The following TGFBR2 variants were observed in gnomAD, a reference collection of about 807,000 sequenced individuals.
The protein encoded by TGFBR2 is TGF-beta receptor type-2.
TGFBR2 carries 18 observed loss-of-function variants against 49.0 expected under a neutral mutation model. The ratio of observed to expected loss-of-function variants is 0.37; its 90% CI spans 0.25 to 0.54. TGFBR2 has a LOEUF of 0.54. Among genes scored for constraint, TGFBR2 ranks in the 20% least tolerant of loss-of-function variants. The probability of loss-of-function intolerance (pLI) is 0.85; values close to 1 mark genes in which losing one functional copy is unlikely to be tolerated. For missense variants in TGFBR2, 525 were observed against 722.6 expected (o/e 0.73, Z 3.13); for synonymous variants, 282 against 275.9 (o/e 1.02, Z -0.22).
intron 1 of TGFBR2, among the ~76,000 whole-genome samples, chr3:30,618,370 C>CTGCTTCAGCCTCCTGTGT (rs1698168072): frequency 6.6e-6 from 1 of 151,854 alleles, no homozygotes; most frequent in South Asian, 2.1e-4. Flanking sequence ...GCTGGGATTA[C>CTGCTTCAGCCTCCTGTGT]AGGTGTGCAC....
At position 30,677,870 on chromosome 3, in the gene TGFBR2, A is replaced by T. The variant is rs146183560; in HGVS notation, c.1396+3624A>T. Reference sequence around the variant, plus strand: ...CTTTTTAAAAAACTTACACATGCAGATATGTTTCTTATCTTACAAATTAAA... The same window carrying T: ...CTTTTTAAAAAACTTACACATGCAGTTATGTTTCTTATCTTACAAATTAAA... On this transcript the variant is annotated intron_variant, in intron 5 of 6. Coordinates refer to ENST00000295754, the MANE Select transcript of TGFBR2 (RefSeq NM_003242.6). Among the ~76,000 whole-genome samples, 182 of 152,262 alleles carry T rather than the reference A, an allele frequency of 1.2e-3. No individual in the cohort carries two copies. The Middle Eastern group carries it at 0.017, about 14-fold the overall frequency.
chr3:30,642,316 G>A (rs1403408305), intron 1 of TGFBR2, among the ~76,000 whole-genome samples: 1 of 152,046 alleles, frequency 6.6e-6, no homozygotes, highest in East Asian at 1.9e-4. Flanking sequence ...GGTGGGAGTG[G>A]GGGGGTTGCT....
chr3:30,670,035 A>G (rs1362245288), intron 3 of TGFBR2, among the ~76,000 whole-genome samples: 3 of 152,138 alleles, frequency 2.0e-5, no homozygotes, highest in African/African-American at 7.2e-5. Context: ...TGAATAATCA[A>G]AAGATCCTTT....
At chr3:30,633,255 G>A (rs1430048596) in intron 1 of TGFBR2, among the ~76,000 whole-genome samples, 1 of 152,116 alleles carries the variant, frequency 6.6e-6, no homozygotes, top group East Asian at 1.9e-4. Context: ...CATGGTGGTT[G>A]TGATAAGTAA....
intron 3 of TGFBR2, among the ~76,000 whole-genome samples, chr3:30,667,755 C>T (rs968930099): frequency 6.6e-6 from 1 of 152,104 alleles, no homozygotes; most frequent in Admixed American, 6.5e-5. Flanking sequence ...AACATTTCAT[C>T]TGGACGTTTT....
chr3:30,670,786 G>T (rs966925041), intron 3 of TGFBR2, among the ~76,000 whole-genome samples: 1 of 152,234 alleles, frequency 6.6e-6, no homozygotes, highest in African/African-American at 2.4e-5. Context: ...TTTTTAACTT[G>T]TTTTACCTTT....
intron 3 of TGFBR2, among the ~76,000 whole-genome samples, chr3:30,650,959 C>T (rs11466500): frequency 0.16 from 23,572 of 152,032 alleles, 2,097 homozygotes; most frequent in East Asian, 0.38. Context: ...TGTACATAGT[C>T]CCAGGATTTG....
intron 1 of TGFBR2, among the ~76,000 whole-genome samples, chr3:30,638,102 G>A (rs1048217600): frequency 1.1e-4 from 17 of 152,196 alleles, no homozygotes; most frequent in African/African-American, 4.1e-4. Flanking sequence ...TTCGCTTTTA[G>A]AGCTTATTCT....
intron 1 of TGFBR2, among the ~76,000 whole-genome samples, chr3:30,631,292 G>A (rs1271968443): frequency 1.3e-5 from 2 of 151,974 alleles, no homozygotes; most frequent in African/African-American, 2.4e-5. Context: ...CACCCACCTC[G>A]GCCTACCAGA....
rs1698037107 is a variant in TGFBR2 at position 30,611,888 on chromosome 3, CTGTTACCT to C, written c.94+4917_94+4924del. 3.3e-5 allele frequency among the ~76,000 whole-genome samples: 5 copies of C among 152,276 alleles called. No homozygotes were observed. The South Asian group carries it at 1.0e-3, about 32-fold the overall frequency. Reference sequence around the variant, plus strand: ...CCAAGTTCCACATAAAAGCATAACTCTGTTACCTTGTTAGCTTCTACCCTCCAGGTCCT... The same window carrying C: ...CCAAGTTCCACATAAAAGCATAACTCTGTTAGCTTCTACCCTCCAGGTCCT... On this transcript the variant is annotated intron_variant, in intron 1 of 6. Transcript: ENST00000295754.
chr3:30,677,861 C>A lies in TGFBR2; in HGVS notation c.1396+3615C>A, dbSNP rs556620052. ...CTCTCCCTTCTTTTTAAAAAACTTA[C>A]ACATGCAGATATGTTTCTTATCTTA... is the stretch of plus-strand genomic sequence containing the variant. On this transcript the variant is annotated intron_variant, in intron 5 of 6. Coordinates refer to ENST00000295754, the MANE Select transcript of TGFBR2 (RefSeq NM_003242.6). Among the ~76,000 whole-genome samples, 11 of 152,310 alleles carry A rather than the reference C, an allele frequency of 7.2e-5. No individual in the cohort carries two copies. The South Asian group carries it at 8.3e-4, about 11-fold the overall frequency.
chr3:30,662,319 A>G (rs141884234), intron 3 of TGFBR2, among the ~76,000 whole-genome samples: 2,420 of 152,324 alleles, frequency 0.016, 30 homozygotes, highest in Non-Finnish European at 0.024. Context: ...TCTACCTCTC[A>G]TGGGTATTCT....
At chr3:30,690,124 C>T (rs1237004270) in intron 6 of TGFBR2, among the ~76,000 whole-genome samples, 1 of 152,128 alleles carries the variant, frequency 6.6e-6, no homozygotes, top group Non-Finnish European at 1.5e-5. Flanking sequence ...TGCCAGCTCT[C>T]CCAGGTAGTT....
chr3:30,625,627 T>C (rs1158471543), intron 1 of TGFBR2, among the ~76,000 whole-genome samples: 1 of 152,178 alleles, frequency 6.6e-6, no homozygotes. Flanking sequence ...TAATCTAAAA[T>C]TATTTTTCAG....
intron 2 of TGFBR2, among the ~76,000 whole-genome samples, chr3:30,649,684 A>T (rs1698843984): frequency 6.6e-6 from 1 of 151,726 alleles, no homozygotes; most frequent in African/African-American, 2.4e-5. Context: ...TTTATCTGCG[A>T]TGTTTCTTCC....
At chr3:30,670,075 T>C (rs1699312505) in intron 3 of TGFBR2, among the ~76,000 whole-genome samples, 1 of 152,192 alleles carries the variant, frequency 6.6e-6, no homozygotes, top group Non-Finnish European at 1.5e-5. Flanking sequence ...CCATACCACC[T>C]ACCCATTTTT....
At chr3:30,644,221 G>A (rs377283574) in intron 1 of TGFBR2, among the ~76,000 whole-genome samples, 48 of 152,218 alleles carry the variant, frequency 3.2e-4, no homozygotes, top group African/African-American at 9.4e-4. Context: ...CTCCAGCAAC[G>A]GTTCCTCCTT....
chr3:30,648,966 C>G (rs1013703535), intron 2 of TGFBR2, among the ~76,000 whole-genome samples: 2 of 152,154 alleles, frequency 1.3e-5, no homozygotes, highest in African/African-American at 4.8e-5. Flanking sequence ...TAGGTGCAAG[C>G]TGTGTCTTAG....
At chr3:30,675,418 G>C (rs17026211) in intron 5 of TGFBR2, among the ~76,000 whole-genome samples, 12 of 143,108 alleles carry the variant, frequency 8.4e-5, no homozygotes, top group African/African-American at 3.1e-4. Context: ...AGACAGTCTC[G>C]CTCTGTCACC....
Sources: allele counts gnomAD v4.1 joint callset (sites outside exome capture counted in the v4.1 genomes callset), GRCh38; gene constraint gnomAD v4.1.1; transcripts MANE v1.5; gene names NCBI Gene and HGNC (gene_info 2026-07-23, HGNC 2026-07-21).